Variants in GRIA1 observed in about 807,000 individuals in gnomAD.
The protein encoded by GRIA1 is glutamate ionotropic receptor AMPA type subunit 1.
In GRIA1, 31 loss-of-function variants were observed where a neutral mutation model predicts 99.2. The ratio of observed to expected loss-of-function variants is 0.31; its 90% confidence interval spans 0.23 to 0.42. GRIA1 has a LOEUF of 0.42. Among genes scored for constraint, GRIA1 ranks in the 10% least tolerant of loss-of-function variants. GRIA1 has a pLI of 1.00. For missense variants in GRIA1, 782 were observed against 1,157.5 expected, an observed-to-expected ratio of 0.68 and a Z score of 4.71; for synonymous variants, 438 against 432.4, an observed-to-expected ratio of 1.01 and a Z score of -0.16.
At chr5:153,591,038 A>C (rs1420368908) in intron 2 of GRIA1, among the ~76,000 whole-genome samples, 2 of 152,138 alleles carry the variant, frequency 1.3e-5, no homozygotes, top group Non-Finnish European at 2.9e-5. Context: ...TTCCTTCTTG[A>C]CCCAGTCCTA....
intron 11 of GRIA1, among the ~76,000 whole-genome samples, chr5:153,721,224 C>G (rs1157464895): frequency 6.6e-6 from 1 of 152,186 alleles, no homozygotes; most frequent in African/African-American, 2.4e-5. Flanking sequence ...TATTTAACTT[C>G]AACCTCTTTT....
At chr5:153,779,051 C>A (rs1344605270) in intron 13 of GRIA1, among the ~76,000 whole-genome samples, 1 of 152,118 alleles carries the variant, frequency 6.6e-6, no homozygotes, top group Non-Finnish European at 1.5e-5. Flanking sequence ...CAATGTAAAA[C>A]AGGTCATTTT....
chr5:153,724,685 G>A (rs1429448662), intron 11 of GRIA1, among the ~76,000 whole-genome samples: 7 of 151,804 alleles, frequency 4.6e-5, no homozygotes, highest in African/African-American at 1.7e-4. Context: ...AGCGAGAAGG[G>A]AAGTTTAGAG....
chr5:153,645,798 T>A (rs769688085), intron 2 of GRIA1, among the ~76,000 whole-genome samples: 1 of 152,208 alleles, frequency 6.6e-6, no homozygotes, highest in African/African-American at 2.4e-5. Context: ...TTAACTTTTT[T>A]ATCTTAAAAG....
intron 2 of GRIA1, among the ~76,000 whole-genome samples, chr5:153,590,175 A>G (rs1317213106): frequency 6.6e-6 from 1 of 152,114 alleles, no homozygotes; most frequent in Non-Finnish European, 1.5e-5. Context: ...AACATTGTGG[A>G]TTCAGAAGAA....
chr5:153,723,464 G>A (rs1012177489), intron 11 of GRIA1, among the ~76,000 whole-genome samples: 1 of 152,240 alleles, frequency 6.6e-6, no homozygotes, highest in African/African-American at 2.4e-5. Context: ...GGAAACGCAA[G>A]GGATCAGGGA....
intron 2 of GRIA1, among the ~76,000 whole-genome samples, chr5:153,518,261 G>A (rs960393117): frequency 1.3e-5 from 2 of 149,550 alleles, no homozygotes; most frequent in Non-Finnish European, 3.0e-5. Context: ...TTTATAATTA[G>A]TACCCATTTT....
At chr5:153,688,319 C>T (rs1757483118) in intron 8 of GRIA1, among the ~76,000 whole-genome samples, 1 of 152,222 alleles carries the variant, frequency 6.6e-6, no homozygotes, top group African/African-American at 2.4e-5. Context: ...TGTACACAGA[C>T]ACTCTTTCTG....
chr5:153,738,877 C>T (rs958997784), intron 11 of GRIA1, among the ~76,000 whole-genome samples: 4 of 151,804 alleles, frequency 2.6e-5, no homozygotes, highest in African/African-American at 9.7e-5. Context: ...CATGCACCAC[C>T]ACGTCCGGCT....
At chr5:153,521,879 G>A (rs1757178961) in intron 2 of GRIA1, among the ~76,000 whole-genome samples, 1 of 152,120 alleles carries the variant, frequency 6.6e-6, no homozygotes, top group Admixed American at 6.5e-5. Context: ...ACACTAGTTG[G>A]TGCAATGACA....
chr5:153,743,842 G>A (rs1761976286), intron 11 of GRIA1, among the ~76,000 whole-genome samples: 2 of 152,198 alleles, frequency 1.3e-5, no homozygotes, highest in African/African-American at 2.4e-5. Context: ...GGCGATCTTA[G>A]AATTCTGCCT....
intron 2 of GRIA1, chr5:153,557,792 C>G (rs1169756292): frequency 6.6e-6 from 1 of 152,210 alleles, no homozygotes; most frequent in Admixed American, 6.5e-5. Flanking sequence ...TCTTCCACCT[C>G]CACAGCTTGT....
At chr5:153,746,339 A>C (rs1229807244) in intron 11 of GRIA1, among the ~76,000 whole-genome samples, 1 of 152,024 alleles carries the variant, frequency 6.6e-6, no homozygotes, top group Non-Finnish European at 1.5e-5. Flanking sequence ...GCAAATGGGG[A>C]TTTTCAATGG....
intron 2 of GRIA1, among the ~76,000 whole-genome samples, chr5:153,514,961 G>T (rs1756471865): frequency 6.6e-6 from 1 of 152,060 alleles, no homozygotes; most frequent in Non-Finnish European, 1.5e-5. Context: ...AAAAGCAAAT[G>T]CTGGTAAGGA....
chr5:153,559,313 C>G (rs1468184359), intron 2 of GRIA1, among the ~76,000 whole-genome samples: 3 of 152,160 alleles, frequency 2.0e-5, no homozygotes, highest in South Asian at 2.1e-4. Context: ...TAACTTCTCT[C>G]CCTGGGAGGA....
chr5:153,668,492 A>C (rs4958672), intron 5 of GRIA1, among the ~76,000 whole-genome samples: 63,520 of 152,104 alleles, frequency 0.42, 14,571 homozygotes, highest in Non-Finnish European at 0.52. Context: ...AATATTGGGA[A>C]AGCCATGCTC....
rs149127306 is a variant in GRIA1, at chr5:153,626,915, G to T, written c.221-20013G>T. On this transcript the variant is annotated intron_variant, in intron 2 of 15. Transcript: ENST00000285900. ...GATTTGAGCCCCAGCTTAGGTGATT[G>T]GTCCTGGAAATGTCATTTCTATAAA... 5.4e-4 allele frequency among the ~76,000 whole-genome samples: 82 copies of T among 152,240 alleles called. 2 individuals carry two copies. The East Asian group carries it at 0.014, about 26-fold the overall frequency.
intron 11 of GRIA1, among the ~76,000 whole-genome samples, chr5:153,762,195 G>C (rs761679984): frequency 5.9e-5 from 9 of 152,260 alleles, no homozygotes; most frequent in Non-Finnish European, 1.2e-4. Flanking sequence ...AATGATAAAT[G>C]TTTGAGGTGA....
At chr5:153,690,546 T>C (rs1220988467) in intron 8 of GRIA1, among the ~76,000 whole-genome samples, 1 of 152,202 alleles carries the variant, frequency 6.6e-6, no homozygotes, top group Non-Finnish European at 1.5e-5. Context: ...AAGTAGCTCC[T>C]GGCACGTAGC....
Sources: allele counts gnomAD v4.1 joint callset (sites outside exome capture counted in the v4.1 genomes callset), GRCh38; gene constraint gnomAD v4.1.1; transcripts MANE v1.5; gene names NCBI Gene and HGNC (gene_info 2026-07-23, HGNC 2026-07-21).